The following MINDY3 variants were observed in gnomAD, a reference collection of about 807,000 sequenced individuals.
MINDY3 encodes ubiquitin carboxyl-terminal hydrolase MINDY-3.
Under a neutral mutation model 69.2 loss-of-function variants are expected in MINDY3, and 38 were observed. That is an observed-to-expected ratio of 0.55 (90% CI 0.42 to 0.72). MINDY3 has a LOEUF of 0.72. Among genes scored for constraint, MINDY3 ranks in the 30% least tolerant of loss-of-function variants. MINDY3 has a pLI of 0.00. For synonymous variants in MINDY3, 192 were observed against 180.1 expected, an observed-to-expected ratio of 1.07 and a Z score of -0.53; for missense variants, 522 against 519.0, an observed-to-expected ratio of 1.01 and a Z score of -0.06.
chr10:15,781,507 T>C (rs1836528998), intron 14 of MINDY3, among the ~76,000 whole-genome samples: 1 of 151,936 alleles, frequency 6.6e-6, no homozygotes, highest in Non-Finnish European at 1.5e-5. Context: ...AGCCGAACTC[T>C]AGCTTTACGC....
intron 9 of MINDY3, among the ~76,000 whole-genome samples, chr10:15,818,452 T>A (rs1220118501): frequency 1.3e-5 from 2 of 152,138 alleles, no homozygotes; most frequent in Non-Finnish European, 2.9e-5. Context: ...GTTTGACACT[T>A]CCTCAGAAAG....
At chr10:15,843,439 G>A (rs760252320) in intron 2 of MINDY3, among the ~76,000 whole-genome samples, 167 bp from the exon 3 acceptor site, 1 of 152,014 alleles carries the variant, frequency 6.6e-6, no homozygotes, top group Non-Finnish European at 1.5e-5. Flanking sequence ...GAACTGTGCA[G>A]TTATTTATTC....
rs188416525 is a variant in MINDY3, at chr10:15,792,823, T to C, written c.955+3277A>G. ...TTATGTATAATGTGAAAACCTGTGA[T>C]TAGCAGTTCAGACACTACCTATGTA... On this transcript the variant is annotated intron_variant, in intron 11 of 14. Coordinates refer to ENST00000277632, the MANE Select transcript of MINDY3 (RefSeq NM_024948.4). 2.0e-5 allele frequency among the ~76,000 whole-genome samples: 3 copies of C among 152,198 alleles called. No homozygotes were observed. In the East Asian group the frequency reaches 5.8e-4, roughly 29 times the overall value.
At chr10:15,795,004 C>CCA (rs10690053) in intron 11 of MINDY3, among the ~76,000 whole-genome samples, 146,660 of 152,054 alleles carry the variant, frequency 0.96, 70,751 homozygotes, top group East Asian at 1. Context: ...TCATTCACTC[C>CCA]GTTTCAACTG....
rs1839737207 is a variant in MINDY3, at chr10:15,821,250, T to C, written c.801+406A>G. Among the ~76,000 whole-genome samples, 3 of 152,358 alleles carry C rather than the reference T, an allele frequency of 2.0e-5. No homozygotes were observed. The South Asian group carries it at 6.2e-4, about 32-fold the overall frequency. ...TAGATAAAAGTCAGAATTTCAGGCA[T>C]CTGGCAATTCTTTCTCTTTGCCTAA... On this transcript the variant is annotated intron_variant, in intron 9 of 14. Coordinates refer to ENST00000277632, the MANE Select transcript of MINDY3 (RefSeq NM_024948.4).
intron 2 of MINDY3, among the ~76,000 whole-genome samples, chr10:15,844,046 T>A (rs1055839848): frequency 1.4e-4 from 22 of 152,264 alleles, no homozygotes; most frequent in African/African-American, 5.3e-4. Flanking sequence ...TTAGGAAGAC[T>A]GCTTTTTATC....
At chr10:15,816,282 G>GAAAAAAA (rs1421619763) in intron 10 of MINDY3, among the ~76,000 whole-genome samples, 4 of 108,512 alleles carry the variant, frequency 3.7e-5, no homozygotes, top group African/African-American at 2.5e-4. Flanking sequence ...AAAAAAAAAT[G>GAAAAAAA]AAAAAGAAAA....
Position 15,833,638 on chromosome 10 carries a change from G to A in MINDY3, c.722C>T (p.Ser241Leu). The change falls in exon 8 of 15, where the codon TCA becomes TTA. Residue 241 changes from serine to leucine, a missense_variant. By Grantham distance (145) the Ser-to-Leu change is moderately radical. Transcript: ENST00000277632. ...ACAAGGAATATACTTACTCATTCCT[G>A]AGCACTCTCTATCACCATCCCATAC... ...SNVWDGDREC[S>L]GMKLLGIHEQ... 1 of 1,596,678 alleles carries A rather than the reference G, an allele frequency of 6.3e-7. No homozygotes were observed. The highest frequency in any genetic ancestry group is 8.6e-7 in the Non-Finnish European group (1 of 1,164,582).
intron 4 of MINDY3, 70 bp from the exon 5 acceptor site, chr10:15,838,349 GTAAA>G: frequency 7.4e-7 from 1 of 1,351,294 alleles, no homozygotes; most frequent in Non-Finnish European, 9.9e-7. Context: ...ACAGCAGGCT[GTAAA>G]TACTTTCAAG....
chr10:15,827,909 G>A (rs1723411719), intron 8 of MINDY3, among the ~76,000 whole-genome samples: 2 of 152,176 alleles, frequency 1.3e-5, no homozygotes, highest in Admixed American at 6.5e-5. Flanking sequence ...TAAGTGTCAG[G>A]CAGGATGCAG....
chr10:15,802,988 A>C (rs1564473284), intron 10 of MINDY3, among the ~76,000 whole-genome samples: 1 of 152,158 alleles, frequency 6.6e-6, no homozygotes, highest in Non-Finnish European at 1.5e-5. Flanking sequence ...TTGTAAATTC[A>C]AATGGAAACA....
At chr10:15,788,855 G>C (rs1388098199) in intron 12 of MINDY3, 2 of 154,608 alleles carry the variant, frequency 1.3e-5, no homozygotes, top group South Asian at 4.0e-4. Context: ...ATTTAAGAGG[G>C]AAAGTCAGAG....
intron 1 of MINDY3, among the ~76,000 whole-genome samples, chr10:15,859,398 T>C (rs1834924128): frequency 6.6e-6 from 1 of 152,196 alleles, no homozygotes; most frequent in South Asian, 2.1e-4. Flanking sequence ...TCATCTTTCC[T>C]AAGTCACCTT....
chr10:15,815,781 GTACTAT>G (rs1298673697), intron 10 of MINDY3, among the ~76,000 whole-genome samples: 2 of 152,092 alleles, frequency 1.3e-5, no homozygotes, highest in Non-Finnish European at 2.9e-5. Context: ...TAAAAGCTAG[GTACTAT>G]TATGAATCCC....
intron 1 of MINDY3, among the ~76,000 whole-genome samples, chr10:15,857,673 C>T (rs977485911): frequency 2.0e-5 from 3 of 151,678 alleles, no homozygotes; most frequent in Non-Finnish European, 1.5e-5. Context: ...ATTAAAACTG[C>T]CCAAAAAAAG....
chr10:15,841,670 T>C, intron 3 of MINDY3, 71 bp from the exon 4 acceptor site: 1 of 917,814 alleles, frequency 1.1e-6, no homozygotes, highest in Non-Finnish European at 1.6e-6. Context: ...TGAATAACAA[T>C]AGTAAGAATG....
intron 10 of MINDY3, among the ~76,000 whole-genome samples, chr10:15,804,104 TATA>T (rs1838458553): frequency 6.6e-6 from 1 of 152,190 alleles, no homozygotes; most frequent in South Asian, 2.1e-4. Flanking sequence ...ATTAGTCTGA[TATA>T]ATCACATGAT....
chr10:15,854,745 A>G (rs1319626439), intron 1 of MINDY3, among the ~76,000 whole-genome samples: 2 of 152,114 alleles, frequency 1.3e-5, no homozygotes, highest in African/African-American at 4.8e-5. Context: ...TTGGTGCTGG[A>G]CACAATTTTC....
At chr10:15,848,145 C>T (rs896316553) in intron 1 of MINDY3, among the ~76,000 whole-genome samples, 1 of 152,050 alleles carries the variant, frequency 6.6e-6, no homozygotes, top group Non-Finnish European at 1.5e-5. Context: ...CGTAAGAGTA[C>T]ATATACTCAC....
Sources: gnomAD v4.1 joint callset for allele counts (sites outside exome capture counted in the v4.1 genomes callset) on GRCh38, gnomAD v4.1.1 for gene constraint, MANE v1.5 for transcripts, NCBI Gene and HGNC (gene_info 2026-07-23, HGNC 2026-07-21) for gene names.